Variants in CASD1 observed in about 807,000 individuals in gnomAD.
CASD1 encodes CAS1 domain sialic acid O acetyltransferase 1.
Under a neutral mutation model 100.0 loss-of-function variants are expected in CASD1, and 41 were observed. The observed-to-expected ratio is 0.41, with a 90% CI of 0.32 to 0.53. The LOEUF (loss-of-function observed/expected upper bound fraction) is 0.53. Among genes scored for constraint, CASD1 ranks in the 20% least tolerant of loss-of-function variants. The pLI, the probability that CASD1 is intolerant of heterozygous loss-of-function variation, is 0.25. For synonymous variants in CASD1, 321 were observed against 315.6 expected (o/e 1.02, Z -0.18); for missense variants, 774 against 948.7 (o/e 0.82, Z 2.42).
At chr7:94,614,804 C>A in the CASD1 span, among the ~76,000 whole-genome samples, 1 of 151,940 alleles carries the variant, frequency 6.6e-6, no homozygotes, top group Non-Finnish European at 1.5e-5. Context: ...TTTTTAAAAT[C>A]ACTGTACTCC....
intron 1 of CASD1, among the ~76,000 whole-genome samples, chr7:94,512,457 C>G (rs1793760715): frequency 1.3e-5 from 2 of 152,258 alleles, no homozygotes; most frequent in South Asian, 4.1e-4. Flanking sequence ...TGTGCTGAGG[C>G]AAGGTAGAGT....
intron 2 of CASD1, 69 bp from the exon 3 acceptor site, chr7:94,518,134 C>T (rs1338566660): frequency 2.3e-5 from 31 of 1,369,586 alleles, no homozygotes; most frequent in South Asian, 6.6e-5. Context: ...TCTTCAAAAA[C>T]GGTGTGCTTT....
At chr7:94,574,357 C>T in the CASD1 span, among the ~76,000 whole-genome samples, 1 of 152,034 alleles carries the variant, frequency 6.6e-6, no homozygotes, top group East Asian at 1.9e-4. Context: ...CCATCAGGTC[C>T]AGGGCTTTTT....
intron 5 of CASD1, 59 bp from the exon 6 acceptor site, chr7:94,533,146 A>T: frequency 8.4e-7 from 1 of 1,183,438 alleles, no homozygotes; most frequent in Non-Finnish European, 1.2e-6. Flanking sequence ...AAATGATGTT[A>T]CTTGTAGTAA....
At chr7:94,522,749 C>T (rs1396034443) in intron 3 of CASD1, among the ~76,000 whole-genome samples, 2 of 151,984 alleles carry the variant, frequency 1.3e-5, no homozygotes, top group Non-Finnish European at 2.9e-5. Flanking sequence ...GCTCTACCTC[C>T]CGGGTTCACG....
chr7:94,615,456 G>A, the CASD1 span, among the ~76,000 whole-genome samples: 1 of 152,026 alleles, frequency 6.6e-6, no homozygotes, highest in African/African-American at 2.4e-5. Context: ...CATAGATAGA[G>A]ACAATTTCAG....
the CASD1 span, among the ~76,000 whole-genome samples, chr7:94,566,031 G>A: frequency 1.3e-5 from 2 of 152,156 alleles, no homozygotes; most frequent in African/African-American, 4.8e-5. Flanking sequence ...CTCTAGTACC[G>A]CTTCCATGCC....
chr7:94,577,428 T>G, the CASD1 span, among the ~76,000 whole-genome samples: 1 of 152,200 alleles, frequency 6.6e-6, no homozygotes, highest in Admixed American at 6.5e-5. Context: ...ACAGATATTT[T>G]CTTACATGCC....
At chr7:94,599,239 T>C in the CASD1 span, 1 of 322,026 alleles carries the variant, frequency 3.1e-6, no homozygotes, top group Non-Finnish European at 5.6e-6. Flanking sequence ...AGTAACCAAC[T>C]AGTTTTCTAT....
rs1795183554 is a variant in CASD1, at chr7:94,537,628, C to A, written c.1000C>A (p.His334Asn). The part of the protein sequence containing the change: ...IIGYLIFYII[H>N]RNAHRKNKPC... ...CGGATATTTAATTTTTTACATAATTCATCGTAATGCTCATCGGAAGAATAA... is the reference window on the plus strand; with the variant it reads ...CGGATATTTAATTTTTTACATAATTAATCGTAATGCTCATCGGAAGAATAA... The change falls in exon 9 of 18, where the codon CAT becomes AAT. Residue 334 changes from histidine (H) to asparagine (N), a missense_variant. Transcript: ENST00000297273. 2.5e-6 allele frequency: 4 copies of A among 1,613,672 alleles called. No individual in the cohort carries two copies. Among genetic ancestry groups the A allele is most frequent in the Admixed American group, 1.7e-5 (1 of 59,956 alleles).
At chr7:94,585,427 A>C in the CASD1 span, 2 of 1,389,744 alleles carry the variant, frequency 1.4e-6, no homozygotes, top group Non-Finnish European at 2.0e-6. Flanking sequence ...CATTATTGGA[A>C]GAGAAAAGAA....
intron 1 of CASD1, among the ~76,000 whole-genome samples, chr7:94,516,160 A>G (rs1793969602): frequency 6.6e-6 from 1 of 152,124 alleles, no homozygotes; most frequent in Admixed American, 6.5e-5. Flanking sequence ...ATACAAAAAA[A>G]AAAACTGCTC....
chr7:94,511,742 A>G (rs1329536510), intron 1 of CASD1, among the ~76,000 whole-genome samples: 1 of 152,226 alleles, frequency 6.6e-6, no homozygotes, highest in African/African-American at 2.4e-5. Context: ...CCTAAGATAA[A>G]TAAACATCTA....
intron 3 of CASD1, chr7:94,524,284 AAAGAT>A (rs1794434825): frequency 1.3e-5 from 2 of 152,140 alleles, no homozygotes; most frequent in African/African-American, 2.4e-5. Flanking sequence ...CTTAAAGAAA[AAAGAT>A]AAGCCACAAA....
chr7:94,530,420 C>G (rs1437141025), intron 5 of CASD1, among the ~76,000 whole-genome samples: 5 of 152,144 alleles, frequency 3.3e-5, no homozygotes, highest in Non-Finnish European at 4.4e-5. Flanking sequence ...GATGAGGAAG[C>G]AGGTACTACA....
intron 1 of CASD1, among the ~76,000 whole-genome samples, chr7:94,511,790 T>C (rs1197087144): frequency 2.0e-5 from 3 of 152,378 alleles, no homozygotes; most frequent in Admixed American, 2.0e-4. Flanking sequence ...TTTTATCTTT[T>C]GATAACCTTG....
In CASD1 at chr7:94,509,828, C is replaced by T. The variant is rs1793590690; in HGVS notation, c.-257C>T. On this transcript the variant is annotated 5_prime_UTR_variant, in exon 1 of 18. Coordinates refer to ENST00000297273, the MANE Select transcript of CASD1 (RefSeq NM_022900.5). ...GGGGAGGAGACAGGCGTCCAGGGCG[C>T]CTGGGGAACCGGCACGGCGGAGCAG... 1 of 999,242 alleles carries T rather than the reference C, an allele frequency of 1.0e-6. No individual in the cohort carries two copies. The highest frequency in any genetic ancestry group is 4.7e-5 in the South Asian group (1 of 21,204). 61.9% of individuals were successfully genotyped at this position (999,242 alleles called of 1,614,324 possible).
chr7:94,591,139 T>C, the CASD1 span, among the ~76,000 whole-genome samples: 2 of 152,216 alleles, frequency 1.3e-5, no homozygotes. Flanking sequence ...TTTCAGAATT[T>C]CACACAATGT....
the CASD1 span, among the ~76,000 whole-genome samples, chr7:94,607,811 A>G: frequency 2.0e-5 from 3 of 152,224 alleles, no homozygotes; most frequent in Non-Finnish European, 2.9e-5. Context: ...AATAAAAAGT[A>G]TACAGATTTG....
Sources: gnomAD v4.1 joint callset for allele counts (sites outside exome capture counted in the v4.1 genomes callset) on GRCh38, gnomAD v4.1.1 for gene constraint, MANE v1.5 for transcripts, NCBI Gene and HGNC (gene_info 2026-07-23, HGNC 2026-07-21) for gene names.